Variants in ZNF365 observed in about 807,000 individuals in gnomAD.
ZNF365 encodes protein ZNF365.
Under a neutral mutation model 35.0 loss-of-function variants are expected in ZNF365, and 22 were observed. That is an observed-to-expected ratio of 0.63 (90% confidence interval 0.45 to 0.90). The LOEUF (loss-of-function observed/expected upper bound fraction) is 0.90. ZNF365 is among the 40% of genes least tolerant of loss of function. The pLI is 0.00. For missense variants in ZNF365, 448 were observed against 500.3 expected, an observed-to-expected ratio of 0.90 and a Z score of 1.00; for synonymous variants, 188 against 196.2, an observed-to-expected ratio of 0.96 and a Z score of 0.35.
chr10:62,381,252 T>C (rs1437402985), intron 2 of ZNF365, among the ~76,000 whole-genome samples: 2 of 152,150 alleles, frequency 1.3e-5, no homozygotes, highest in East Asian at 1.9e-4. Flanking sequence ...CTGCTAGAGA[T>C]GGCCCCTGAG....
Position 62,400,535 on chromosome 10 carries a change from C to T in ZNF365, c.*746C>T, listed in dbSNP as rs1274554536. ...CTGCCAGCCTCTATCTTAATAGCTG[C>T]TTCTGTGGATATGGCTGGGGAGCGA... On this transcript the variant is annotated 3_prime_UTR_variant, in exon 5 of 5. Transcript: ENST00000395254. The T allele has an allele frequency of 1.0e-6, 1 of 986,012 alleles. No individual in the cohort carries two copies. The highest frequency in any genetic ancestry group is 1.2e-6 in the Non-Finnish European group (1 of 829,952). 61.1% of individuals were successfully genotyped at this position (986,012 alleles called of 1,614,324 possible).
exon 5 of ZNF365, chr10:62,479,900 A>G: frequency 6.2e-7 from 1 of 1,613,524 alleles, no homozygotes; most frequent in Non-Finnish European, 8.5e-7. Context: ...GGAATAATGA[A>G]CTTCGAATGA....
intron 3 of ZNF365, among the ~76,000 whole-genome samples, chr10:62,454,544 C>T (rs1840732238): frequency 6.6e-6 from 1 of 151,928 alleles, no homozygotes; most frequent in African/African-American, 2.4e-5. Flanking sequence ...TGCCATGAAC[C>T]AAGAAAGCTT....
chr10:62,440,225 C>A (rs1840476257), intron 3 of ZNF365, among the ~76,000 whole-genome samples: 1 of 150,430 alleles, frequency 6.6e-6, no homozygotes, highest in African/African-American at 2.5e-5. Flanking sequence ...CTTCTTGTTT[C>A]TTTCTCTTTT....
At chr10:62,459,904 C>CATACAGAAACCAA in intron 4 of ZNF365, 1 of 972,816 alleles carries the variant, frequency 1.0e-6, no homozygotes, top group Non-Finnish European at 1.6e-6. Context: ...CCATTGGTTT[C>CATACAGAAACCAA]TGTATGAAAA....
exon 5 of ZNF365, chr10:62,480,205 C>G: frequency 9.0e-7 from 1 of 1,110,480 alleles, no homozygotes; most frequent in Non-Finnish European, 1.1e-6. Flanking sequence ...AACATTTGTC[C>G]CTATGAGATA....
intron 3 of ZNF365, among the ~76,000 whole-genome samples, chr10:62,442,318 T>C (rs74158908): frequency 0.048 from 7,294 of 152,314 alleles, 251 homozygotes; most frequent in Non-Finnish European, 0.07. Context: ...AAAATTTCCC[T>C]GCTAAATTGA....
At chr10:62,444,536 T>C (rs958899135) in intron 3 of ZNF365, among the ~76,000 whole-genome samples, 10 of 152,248 alleles carry the variant, frequency 6.6e-5, no homozygotes, top group African/African-American at 2.4e-4. Context: ...CCTCCTATTG[T>C]TGCTAGTCTC....
At chr10:62,451,206 T>G (rs1840679107) in intron 3 of ZNF365, among the ~76,000 whole-genome samples, 6 of 152,218 alleles carry the variant, frequency 3.9e-5, no homozygotes. Context: ...TATTTCCCAC[T>G]TTTTCTGATA....
intron 3 of ZNF365, among the ~76,000 whole-genome samples, chr10:62,420,214 T>C (rs1315830358): frequency 6.6e-6 from 1 of 152,248 alleles, no homozygotes; most frequent in Non-Finnish European, 1.5e-5. Context: ...TTGTCTTATT[T>C]GGATATCAAA....
chr10:62,479,241 A>G (rs1589478570), intron 4 of ZNF365, among the ~76,000 whole-genome samples: 1 of 152,344 alleles, frequency 6.6e-6, no homozygotes, highest in East Asian at 1.9e-4. Context: ...AGACATATCC[A>G]TATTCCTCCC....
intron 1 of ZNF365, chr10:62,375,716 G>C (rs1011449633): frequency 6.2e-6 from 1 of 162,406 alleles, no homozygotes; most frequent in African/African-American, 2.4e-5. Flanking sequence ...TTTGCATTTA[G>C]TGTGCCAAAT....
chr10:62,396,051 G>A (rs919741495), intron 3 of ZNF365, among the ~76,000 whole-genome samples: 7 of 152,154 alleles, frequency 4.6e-5, no homozygotes, highest in Admixed American at 1.3e-4. Flanking sequence ...TCTGCCTGAC[G>A]CCAAAGGGGC....
chr10:62,467,948 A>G (rs1243598299), intron 4 of ZNF365, among the ~76,000 whole-genome samples: 1 of 152,174 alleles, frequency 6.6e-6, no homozygotes, highest in African/African-American at 2.4e-5. Flanking sequence ...TAAGCTCAGG[A>G]GCAGAATATA....
intron 1 of ZNF365, chr10:62,375,777 C>G (rs1371747681): frequency 6.0e-6 from 1 of 166,334 alleles, no homozygotes; most frequent in Admixed American, 5.6e-5. Flanking sequence ...CACTTTCCAT[C>G]TGACCTTGGA....
At chr10:62,423,215 T>TAAA (rs5785526) in intron 3 of ZNF365, among the ~76,000 whole-genome samples, 126 of 149,914 alleles carry the variant, frequency 8.4e-4, no homozygotes, top group Admixed American at 2.1e-3. Context: ...AATAGAAACT[T>TAAA]AAAAAAAAAA....
chr10:62,413,109 A>T (rs1157212652), intron 3 of ZNF365, among the ~76,000 whole-genome samples: 4 of 152,176 alleles, frequency 2.6e-5, no homozygotes, highest in African/African-American at 4.8e-5. Context: ...TACCTCTGGA[A>T]TTTAGTAAAA....
In ZNF365 at chr10:62,382,892, A is replaced by T. The variant is rs12246166; in HGVS notation, c.744-5504A>T. Among the ~76,000 whole-genome samples, 1,453 of 152,292 alleles carry T rather than the reference A, an allele frequency of 9.5e-3. 24 individuals are homozygous for T. The highest frequency in any genetic ancestry group is 0.033 in the African/African-American group (1,358 of 41,540). Reference sequence around the variant, plus strand: ...TTTACCGTTTCATATTCCTCTGAAGAGGTTCATAAATCAGTCATGTAAAGT... The same window carrying T: ...TTTACCGTTTCATATTCCTCTGAAGTGGTTCATAAATCAGTCATGTAAAGT... On this transcript the variant is annotated intron_variant, in intron 2 of 4. Coordinates refer to ENST00000395254, the MANE Select transcript of ZNF365 (RefSeq NM_014951.3).
chr10:62,413,964 T>C (rs1840030034), intron 3 of ZNF365, among the ~76,000 whole-genome samples: 1 of 152,180 alleles, frequency 6.6e-6, no homozygotes. Flanking sequence ...GGCTCCTGAC[T>C]GAAAGAGTCA....
Sources: allele counts gnomAD v4.1 joint callset (sites outside exome capture counted in the v4.1 genomes callset), GRCh38; gene constraint gnomAD v4.1.1; transcripts MANE v1.5; gene names NCBI Gene and HGNC (gene_info 2026-07-23, HGNC 2026-07-21).